CC2D1A: variants seen among roughly 807,000 people sequenced by gnomAD.
CC2D1A encodes coiled-coil and C2 domain containing 1A, also known as coiled-coil and C2 domain-containing protein 1A.
A neutral mutation model predicts 123.8 loss-of-function variants in CC2D1A; 68 were observed. That is an observed-to-expected ratio of 0.55 (90% CI 0.45 to 0.67). The LOEUF is 0.67. CC2D1A is among the 30% of genes least tolerant of loss of function. The pLI is 0.00. For synonymous variants in CC2D1A, 477 were observed against 528.0 expected (o/e 0.90, Z 1.32); for missense variants, 1,185 against 1,290.3 (o/e 0.92, Z 1.25).
rs761647395 is a variant in CC2D1A, at chr19:13,918,208, G to C, written c.873+14G>C. On this transcript the variant is annotated intron_variant, in intron 7 of 28. Transcript: ENST00000318003. ...CGCGTGGCTAAGGTGCGTCCAGCCT[G>C]ACGGACAGGACTGGAGGGATGGGGC... 2 of 1,553,064 alleles carry C rather than the reference G, an allele frequency of 1.3e-6. No homozygotes were observed. The highest frequency in any genetic ancestry group is 1.7e-6 in the Non-Finnish European group (2 of 1,148,566).
In CC2D1A at chr19:13,911,526, G is replaced by T. The variant is rs951545216; in HGVS notation, c.197-797G>T. Among the ~76,000 whole-genome samples, 12 of 147,112 alleles carry T rather than the reference G, an allele frequency of 8.2e-5. 1 individual carries two copies. The South Asian group carries it at 1.7e-3, about 21-fold the overall frequency. On this transcript the variant is annotated intron_variant, in intron 2 of 28. Transcript: ENST00000318003. ...AAGTTGCAGAGCTGGGGTTTTTTTT[G>T]TTGTTGTTGTGTGTGTGTGTTTTTT...
Position 13,912,363 on chromosome 19 carries a change from G to A in CC2D1A, c.237G>A (p.Leu79=). Residue 79 remains leucine (L), a synonymous_variant, in exon 3 of 29, where the codon CTG becomes CTA. Transcript: ENST00000318003. ...AGGCCATTGAGAAGATGGCCAGCCT[G>A]TGCATGAGAGACCCGGATGAGGATG... is the stretch of plus-strand genomic sequence containing the variant. The part of the protein sequence containing the change: ...PMEAIEKMAS[L]CMRDPDEDEE... 2.5e-6 allele frequency: 4 copies of A among 1,612,952 alleles called. No individual in the cohort carries two copies. Among genetic ancestry groups the A allele is most frequent in the Non-Finnish European group, 3.4e-6 (4 of 1,179,568 alleles).
chr19:13,916,334 G>A (rs1274236687), intron 6 of CC2D1A, among the ~76,000 whole-genome samples: 1 of 152,134 alleles, frequency 6.6e-6, no homozygotes, highest in African/African-American at 2.4e-5. Context: ...GGAGGCCAAG[G>A]TGGGAGGATC....
At chr19:13,911,348 C>A (rs1970988267) in intron 2 of CC2D1A, among the ~76,000 whole-genome samples, 2 of 152,178 alleles carry the variant, frequency 1.3e-5, no homozygotes, top group South Asian at 4.1e-4. Flanking sequence ...TAACTAATAA[C>A]AAGATATTGG....
At position 13,925,451 on chromosome 19, in the gene CC2D1A, G is replaced by T. The variant is rs548617515; in HGVS notation, c.1941-1066G>T. On this transcript the variant is annotated intron_variant, in intron 17 of 28. Transcript: ENST00000318003. ...CAAAATTATCCGGGCGTGGTGGTAG[G>T]CGCCCATAGTCCCACCTTCTTAGGA... is the stretch of plus-strand genomic sequence containing the variant. Among the ~76,000 whole-genome samples the T allele has an allele frequency of 1.1e-4, 17 of 152,204 alleles. No individual in the cohort carries two copies. The South Asian group carries it at 3.5e-3, about 32-fold the overall frequency.
chr19:13,906,488 C>T lies in CC2D1A; in HGVS notation c.47C>T (p.Ala16Val), dbSNP rs1296052456. The T allele has an allele frequency of 1.3e-6, 2 of 1,499,386 alleles. No individual in the cohort carries two copies. Among genetic ancestry groups the T allele is most frequent in the Non-Finnish European group, 1.8e-6 (2 of 1,127,846 alleles). 92.9% of individuals were successfully genotyped at this position (1,499,386 alleles called of 1,614,324 possible). A position where few individuals can be genotyped will look rare whatever the true frequency, so the allele number is the denominator to read the frequency against. Residue 16 changes from alanine to valine, a missense_variant, in exon 1 of 29, where the codon GCG becomes GTG. By Grantham distance (64) the Ala-to-Val change is moderately conservative. Transcript: ENST00000318003. The surrounding 1 kb of genome is among the most constrained non-coding windows in gnomAD (Gnocchi z 4.1). ...GPPGPPGRGAAAARQLGLLVD... is the reference protein window; with the variant it reads ...GPPGPPGRGAVAARQLGLLVD... ...CCGGGACCCCCGGGCAGAGGCGCCG[C>T]GGCCGCCCGCCAGGTGAGTTTGCGC...
rs201665162 is a variant in CC2D1A, at chr19:13,920,642, C to T, written c.1442C>T (p.Ala481Val). The change falls in exon 13 of 29, where the codon GCG becomes GTG. Residue 481 changes from alanine (A) to valine (V), a missense_variant. Physicochemically the swap from Ala to Val is moderately conservative, Grantham distance 64. Transcript: ENST00000318003. The stretch of plus-strand genomic sequence containing the variant: ...TCGGGATCAGCCCCAACAGCCAAAG[C>T]GCCCCCCAAAGCCACATCCACCAGA... ...PQSGSAPTAK[A>V]PPKATSTRAQ... The T allele has an allele frequency of 1.3e-4, 217 of 1,610,142 alleles. No homozygotes were observed. The highest frequency in any genetic ancestry group is 1.7e-4 in the Non-Finnish European group (203 of 1,178,194).
chr19:13,914,639 G>A (rs901013281), intron 6 of CC2D1A, among the ~76,000 whole-genome samples: 2 of 146,920 alleles, frequency 1.4e-5, no homozygotes, highest in Non-Finnish European at 3.0e-5. Flanking sequence ...AGGCCTCATC[G>A]CCTTTTTTTT....
chr19:13,909,835 G>A lies in CC2D1A; in HGVS notation c.73G>A (p.Val25Ile). ...AAAARQLGLL[V>I]DLSPDGLMIP... ...GCTGTTCCCCTAGCTGGGCCTGCTG[G>A]TTGACCTCTCCCCAGATGGCCTGAT... Residue 25 changes from valine to isoleucine, a missense_variant, in exon 2 of 29, where the codon GTT (valine) becomes ATT (isoleucine). Val to Ile is a conservative substitution (Grantham distance 29). Coordinates refer to ENST00000318003, the MANE Select transcript of CC2D1A (RefSeq NM_017721.5). The A allele has an allele frequency of 6.3e-7, 1 of 1,586,470 alleles. No homozygotes were observed. Among genetic ancestry groups the A allele is most frequent in the Non-Finnish European group, 8.6e-7 (1 of 1,162,198 alleles).
intron 2 of CC2D1A, among the ~76,000 whole-genome samples, chr19:13,910,212 C>T (rs1032577667): frequency 3.4e-5 from 5 of 148,464 alleles, no homozygotes; most frequent in Non-Finnish European, 7.4e-5. Flanking sequence ...TCCCGGCTAA[C>T]ACGGTGAAAC....
chr19:13,913,707 G>C (rs552575296), intron 6 of CC2D1A, 69 bp downstream of exon 6: 6 of 1,235,652 alleles, frequency 4.9e-6, no homozygotes, highest in Middle Eastern at 2.8e-4. Flanking sequence ...CTGCTCTAGG[G>C]GGGTGCCGGC....
At chr19:13,918,427 G>A in intron 7 of CC2D1A, 77 bp from the exon 8 acceptor site, 1 of 1,402,436 alleles carries the variant, frequency 7.1e-7, no homozygotes, top group South Asian at 1.3e-5. Flanking sequence ...CGGTGGCATG[G>A]AAGGGCCCGG....
At chr19:13,925,882 T>C (rs1971573034) in intron 17 of CC2D1A, among the ~76,000 whole-genome samples, 1 of 138,904 alleles carries the variant, frequency 7.2e-6, no homozygotes, top group Non-Finnish European at 1.5e-5. Flanking sequence ...GTCGTACCAT[T>C]GTACTCCAGC....
At chr19:13,920,726 C>T (rs1568413762) in intron 13 of CC2D1A, 24 bp from the exon 14 acceptor site, 1 of 1,612,488 alleles carries the variant, frequency 6.2e-7, no homozygotes, top group Non-Finnish European at 8.5e-7. Context: ...TGGGCAGCAC[C>T]CATAGCAGCT....
intron 1 of CC2D1A, 39 bp from the exon 2 acceptor site, chr19:13,909,784 T>C: frequency 6.2e-7 from 1 of 1,608,848 alleles, no homozygotes; most frequent in Non-Finnish European, 8.5e-7. Context: ...AGCCATGTGG[T>C]GAACCAAAGG....
At chr19:13,928,631 C>T (rs942089540) in intron 24 of CC2D1A, among the ~76,000 whole-genome samples, 11 of 151,908 alleles carry the variant, frequency 7.2e-5, no homozygotes, top group African/African-American at 7.3e-5. Flanking sequence ...CCATCATCCC[C>T]GCTAGGTTTT....
chr19:13,927,319 CATT>C (rs1367917000), intron 22 of CC2D1A, 54 bp downstream of exon 22: 11 of 1,448,358 alleles, frequency 7.6e-6, no homozygotes, highest in African/African-American at 1.4e-5. Context: ...TACTCGTTAA[CATT>C]ATTAAAACAC....
At chr19:13,913,759 G>C (rs1158540780) in intron 6 of CC2D1A, 121 bp downstream of exon 6, 1 of 709,294 alleles carries the variant, frequency 1.4e-6, no homozygotes, top group African/African-American at 1.8e-5. Context: ...CTGAGTCCTG[G>C]GGTCTTCAAG....
At chr19:13,916,606 C>T (rs1971214673) in intron 6 of CC2D1A, among the ~76,000 whole-genome samples, 1 of 152,036 alleles carries the variant, frequency 6.6e-6, no homozygotes, top group Admixed American at 6.6e-5. Context: ...TTACGTTTTG[C>T]TCAATTACAT....
Sources: allele counts gnomAD v4.1 joint callset (sites outside exome capture counted in the v4.1 genomes callset), GRCh38; gene constraint gnomAD v4.1.1; non-coding constraint Gnocchi (gnomAD v3.1); transcripts MANE v1.5; gene names NCBI Gene and HGNC (gene_info 2026-07-23, HGNC 2026-07-21).